Variants in BARX2 observed in about 807,000 individuals in gnomAD.
BARX2 encodes homeobox protein BarH-like 2.
BARX2 carries 11 observed loss-of-function variants against 25.5 expected under a neutral mutation model. The ratio of observed to expected loss-of-function variants is 0.43; its 90% CI spans 0.27 to 0.71. BARX2 has a LOEUF of 0.71. Among genes scored for constraint, BARX2 ranks in the 30% least tolerant of loss-of-function variants. The pLI, the probability that BARX2 is intolerant of heterozygous loss-of-function variation, is 0.19. For synonymous variants in BARX2, 137 were observed against 149.5 expected, an observed-to-expected ratio of 0.92 and a Z score of 0.61; for missense variants, 360 against 359.9, an observed-to-expected ratio of 1.00 and a Z score of 0.00.
At chr11:129,423,992 G>A (rs571264875) in intron 1 of BARX2, among the ~76,000 whole-genome samples, 1 of 152,186 alleles carries the variant, frequency 6.6e-6, no homozygotes, top group South Asian at 2.1e-4. Flanking sequence ...TGGGACTACA[G>A]GTGCCTGCCA....
At chr11:129,440,211 G>A (rs1005191696) in intron 2 of BARX2, among the ~76,000 whole-genome samples, 9 of 152,230 alleles carry the variant, frequency 5.9e-5, no homozygotes, top group Non-Finnish European at 1.2e-4. Context: ...ATTTGTAACG[G>A]TGGCAGGTAA....
intron 3 of BARX2, among the ~76,000 whole-genome samples, chr11:129,447,953 C>A (rs1250657177): frequency 1.3e-5 from 2 of 152,152 alleles, no homozygotes; most frequent in Non-Finnish European, 2.9e-5. Context: ...TAATGACTTA[C>A]GTGAAAAGAA....
intron 2 of BARX2, among the ~76,000 whole-genome samples, chr11:129,440,141 G>GTGTT (rs1000513806): frequency 2.6e-5 from 4 of 152,156 alleles, no homozygotes; most frequent in African/African-American, 9.7e-5. Flanking sequence ...CTCCTCCTCT[G>GTGTT]TGTTTGTTTC....
At chr11:129,429,602 G>A (rs1862106757) in intron 1 of BARX2, among the ~76,000 whole-genome samples, 1 of 152,090 alleles carries the variant, frequency 6.6e-6, no homozygotes. Flanking sequence ...GCAAAATAAA[G>A]GGGGGACTCG....
chr11:129,375,334 C>A (rs1861488540), upstream of BARX2, among the ~76,000 whole-genome samples: 1 of 152,142 alleles, frequency 6.6e-6, no homozygotes, highest in East Asian at 1.9e-4. This position sits in a 1 kb window ranked among gnomAD's most constrained non-coding sequence, Gnocchi z 4.0. Flanking sequence ...TCCTCGGGGG[C>A]ACTGGCTCTG....
rs1440299415 is a variant in BARX2, at chr11:129,451,352, C to G, written c.790C>G (p.Pro264Ala). Residue 264 changes from proline to alanine, a missense_variant, in exon 4 of 4, where the codon CCG (proline) becomes GCG (alanine). By Grantham distance (27) the Pro-to-Ala change is conservative. This residue lies in a region of BARX2 where 114 missense variants were observed against 109.4 expected (regional missense o/e 1.04). Transcript: ENST00000281437. ...CTTAGAGATGGCAGAGCCACCAGAC[C>G]CGCCCCAGGAGTTGCCAATACCCTC... is the stretch of plus-strand genomic sequence containing the variant. ...VPLEMAEPPDPPQELPIPSSE... is the reference protein window; with the variant it reads ...VPLEMAEPPDAPQELPIPSSE... 1 of 1,614,124 alleles carries G rather than the reference C, an allele frequency of 6.2e-7. No homozygotes were observed. The highest frequency in any genetic ancestry group is 1.7e-5 in the Admixed American group (1 of 60,024).
intron 1 of BARX2, among the ~76,000 whole-genome samples, chr11:129,407,942 C>T (rs576980048): frequency 7.0e-6 from 1 of 143,092 alleles, no homozygotes; most frequent in Non-Finnish European, 1.5e-5. Flanking sequence ...TGGCTCACAC[C>T]TGTAATCCCA....
intron 2 of BARX2, chr11:129,438,037 A>AG (rs966852861): frequency 1.3e-5 from 2 of 151,510 alleles, no homozygotes; most frequent in African/African-American, 4.9e-5. Flanking sequence ...AAAAAAAAAA[A>AG]AAAATAGCCG....
intron 1 of BARX2, among the ~76,000 whole-genome samples, chr11:129,411,195 C>A (rs1441119861): frequency 6.6e-6 from 1 of 151,956 alleles, no homozygotes; most frequent in East Asian, 1.9e-4. Context: ...TATGGTGAAA[C>A]CCCGTCTCTA....
At chr11:129,382,884 GAGA>G (rs1344936482) in intron 1 of BARX2, among the ~76,000 whole-genome samples, 1 of 152,158 alleles carries the variant, frequency 6.6e-6, no homozygotes, top group Admixed American at 6.5e-5. Context: ...GCATGACGAC[GAGA>G]AGAAGAGAAG....
chr11:129,400,980 A>G (rs2058394036), intron 1 of BARX2, among the ~76,000 whole-genome samples: 1 of 152,240 alleles, frequency 6.6e-6, no homozygotes, highest in Admixed American at 6.5e-5. Flanking sequence ...ATAAAGACTG[A>G]AAAGTGGTCA....
At chr11:129,446,267 C>T (rs1205147256) in intron 3 of BARX2, among the ~76,000 whole-genome samples, 2 of 152,148 alleles carry the variant, frequency 1.3e-5, no homozygotes, top group East Asian at 3.9e-4. Context: ...CAAACAGATA[C>T]CTCCTTTCTC....
At chr11:129,391,113 C>T (rs1215267473) in intron 1 of BARX2, among the ~76,000 whole-genome samples, 3 of 152,064 alleles carry the variant, frequency 2.0e-5, no homozygotes, top group African/African-American at 7.2e-5. Context: ...GGAGGGACTC[C>T]TTGCAGTCTC....
intron 3 of BARX2, among the ~76,000 whole-genome samples, chr11:129,448,218 C>A (rs1862354430): frequency 6.6e-6 from 1 of 152,128 alleles, no homozygotes; most frequent in Non-Finnish European, 1.5e-5. Flanking sequence ...GTATCCATGA[C>A]CTCGGATTAG....
intron 1 of BARX2, among the ~76,000 whole-genome samples, chr11:129,423,260 G>A (rs1289539416): frequency 6.6e-6 from 1 of 151,844 alleles, no homozygotes; most frequent in Non-Finnish European, 1.5e-5. Flanking sequence ...GGGATTACAG[G>A]CACCTGCCAC....
chr11:129,436,632 C>T lies in BARX2; in HGVS notation c.188-119C>T, dbSNP rs1862191536. On this transcript the variant is annotated intron_variant, in intron 1 of 3. Coordinates refer to ENST00000281437, the MANE Select transcript of BARX2 (RefSeq NM_003658.5). This position sits in a 1 kb window ranked among gnomAD's most constrained non-coding sequence, Gnocchi z 4.5. ...TCTCCTTCCCCTTCCTCCATCTGTA[C>T]CTCCTTAAGAGCAGGGCCCTCCCTG... 1 of 1,127,512 alleles carries T rather than the reference C, an allele frequency of 8.9e-7. No homozygotes were observed. Among genetic ancestry groups the T allele is most frequent in the Non-Finnish European group, 1.3e-6 (1 of 798,832 alleles). The allele number at this position is 1,127,512 out of a possible 1,614,324, so 69.8% of individuals were successfully genotyped here.
chr11:129,375,449 G>A (rs758799431), upstream of BARX2, among the ~76,000 whole-genome samples: 1 of 152,114 alleles, frequency 6.6e-6, no homozygotes, highest in Non-Finnish European at 1.5e-5. The surrounding 1 kb of genome is among the most constrained non-coding windows in gnomAD (Gnocchi z 4.0). Context: ...GGGCCGGCGG[G>A]TGGCAGGACA....
At chr11:129,442,973 C>T in intron 3 of BARX2, 54 bp downstream of exon 3, 2 of 1,521,774 alleles carry the variant, frequency 1.3e-6, no homozygotes, top group Non-Finnish European at 1.8e-6. Flanking sequence ...GACTTTTACT[C>T]CAGGGCTGTT....
intron 1 of BARX2, among the ~76,000 whole-genome samples, chr11:129,431,571 A>T (rs781292640): frequency 5.3e-5 from 8 of 152,324 alleles, no homozygotes; most frequent in Admixed American, 5.2e-4. Flanking sequence ...CTAATTTGCC[A>T]TATGTAGAAC....
Sources: gnomAD v4.1 joint callset for allele counts (sites outside exome capture counted in the v4.1 genomes callset) on GRCh38, gnomAD v4.1.1 for gene constraint, gnomAD v4.1.1 regional missense constraint, Gnocchi (gnomAD v3.1) non-coding constraint, MANE v1.5 for transcripts, NCBI Gene and HGNC (gene_info 2026-07-23, HGNC 2026-07-21) for gene names.